Variants in CCDC13 observed in about 807,000 individuals in gnomAD.
CCDC13 encodes coiled-coil domain-containing protein 13.
A neutral mutation model predicts 87.3 loss-of-function variants in CCDC13; 70 were observed. That is an observed-to-expected ratio of 0.80 (90% confidence interval 0.66 to 0.98). CCDC13 has a LOEUF of 0.98. Among genes scored for constraint, CCDC13 ranks in the 50% least tolerant of loss-of-function variants. The pLI is 0.00. For missense variants in CCDC13, 842 were observed against 892.0 expected (o/e 0.94, Z 0.71); for synonymous variants, 317 against 360.3 (o/e 0.88, Z 1.36).
intron 13 of CCDC13, among the ~76,000 whole-genome samples, chr3:42,716,241 CAA>C (rs879625891): frequency 2.2e-5 from 3 of 139,118 alleles, no homozygotes; most frequent in African/African-American, 2.6e-5. Context: ...GATCTACCTC[CAA>C]AAAAAAAAAA....
At chr3:42,753,459 A>G (rs1699633883) in intron 3 of CCDC13, among the ~76,000 whole-genome samples, 1 of 151,660 alleles carries the variant, frequency 6.6e-6, no homozygotes, top group Non-Finnish European at 1.5e-5. Context: ...TTTTCTACCA[A>G]GTGCTGGGTC....
intron 13 of CCDC13, chr3:42,719,382 C>CCTCTTTCTCTCT (rs1386418167): frequency 1.9e-5 from 1 of 52,382 alleles, no homozygotes; most frequent in African/African-American, 6.4e-5. Flanking sequence ...GCAGTGCTTT[C>CCTCTTTCTCTCT]CTCTCTCTCT....
Position 42,751,969 on chromosome 3 carries a change from C to G in CCDC13, c.570G>C (p.Lys190Asn). The G allele has an allele frequency of 6.2e-7, 1 of 1,611,570 alleles. No homozygotes were observed. Among genetic ancestry groups the G allele is most frequent in the Middle Eastern group, 1.6e-4 (1 of 6,062 alleles). Residue 190 changes from lysine to asparagine, a missense_variant, in exon 5 of 16, where the codon AAG becomes AAC. Physicochemically the swap from Lys to Asn is moderately conservative, Grantham distance 94 (BLOSUM62 0). Transcript: ENST00000310232. ...SAKGATDAGA[K>N]PPRAQMGDRA... ...TGTCTCCCATCTGGGCCCTCGGTGG[C>G]TTGGCTCCTGCGTCGGTGGCCCCCT... is the stretch of plus-strand genomic sequence containing the variant.
chr3:42,765,620 G>C (rs777237768), intron 1 of CCDC13, among the ~76,000 whole-genome samples: 4 of 152,170 alleles, frequency 2.6e-5, no homozygotes, highest in Admixed American at 6.5e-5. Context: ...CGTTCAGCTG[G>C]TTTGAGAATG....
At position 42,758,276 on chromosome 3, in the gene CCDC13, T is replaced by C. The variant is rs2125909932; in HGVS notation, c.70A>G (p.Lys24Glu). ...QFKAMQEMQHKRLQKQMEKKR... is the reference protein window; with the variant it reads ...QFKAMQEMQHERLQKQMEKKR... The stretch of plus-strand genomic sequence containing the variant: ...TTCTCCATCTGCTTCTGTAACCGTT[T>C]GTGCTGCATCTCCTGCATTGCCTTG... The change falls in exon 2 of 16, where the codon AAA (lysine) becomes GAA (glutamate). Residue 24 changes from lysine (K) to glutamate (E), a missense_variant. Physicochemically the swap from Lys to Glu is moderately conservative, Grantham distance 56. Coordinates refer to ENST00000310232, the MANE Select transcript of CCDC13 (RefSeq NM_144719.4). 1 of 1,613,646 alleles carries C rather than the reference T, an allele frequency of 6.2e-7. No homozygotes were observed. The highest frequency in any genetic ancestry group is 1.1e-5 in the South Asian group (1 of 91,056).
Position 42,708,914 on chromosome 3 carries a change from G to C in CCDC13, c.*66C>G. 6.6e-7 allele frequency: 1 copy of C among 1,508,916 alleles called. No homozygotes were observed. Among genetic ancestry groups the C allele is most frequent in the Non-Finnish European group, 8.9e-7 (1 of 1,127,716 alleles). 93.5% of individuals were successfully genotyped at this position (1,508,916 alleles called of 1,614,324 possible). A position where few individuals can be genotyped will look rare whatever the true frequency, so the allele number is the denominator to read the frequency against. On this transcript the variant is annotated 3_prime_UTR_variant, in exon 16 of 16. Transcript: ENST00000310232. ...CTTCCCGGAGCAGATGGAGTCCTCA[G>C]ACAGAGTCTTATCCTCTCAAGACCT...
At chr3:42,752,046 C>T (rs761664173) in intron 4 of CCDC13, 21 bp from the exon 5 acceptor site, 1 of 1,594,328 alleles carries the variant, frequency 6.3e-7, no homozygotes, top group South Asian at 1.1e-5. Context: ...AAACCTCGTG[C>T]TTAATACTCT....
At chr3:42,734,314 T>C (rs1698928769) in intron 10 of CCDC13, among the ~76,000 whole-genome samples, 1 of 152,204 alleles carries the variant, frequency 6.6e-6, no homozygotes. Context: ...CCCATTCAGC[T>C]GGTGACCTCG....
intron 1 of CCDC13, among the ~76,000 whole-genome samples, chr3:42,769,081 T>G (rs1421789156): frequency 1.3e-5 from 2 of 151,968 alleles, no homozygotes; most frequent in African/African-American, 4.8e-5. Flanking sequence ...GAGGTTGCAG[T>G]GAGCCGAGAT....
At chr3:42,749,057 C>T (rs992887135) in intron 5 of CCDC13, among the ~76,000 whole-genome samples, 27 of 152,166 alleles carry the variant, frequency 1.8e-4, no homozygotes, top group Non-Finnish European at 3.1e-4. Context: ...CCGTGCCCGG[C>T]CATCCTTTTT....
Position 42,739,750 on chromosome 3 carries a change from C to T in CCDC13, c.1048G>A (p.Glu350Lys), listed in dbSNP as rs528427969. The change falls in exon 9 of 16, where the codon GAG (glutamate) becomes AAG (lysine). Residue 350 changes from glutamate (E) to lysine (K), a missense_variant. Physicochemically the swap from Glu to Lys is moderately conservative, Grantham distance 56. Coordinates refer to ENST00000310232, the MANE Select transcript of CCDC13 (RefSeq NM_144719.4). Reference protein sequence around the residue: ...RELEELKKKFEGMRSRNKLLS... With the variant: ...RELEELKKKFKGMRSRNKLLS... Reference sequence around the variant, plus strand: ...AGCTTGTTCCGAGACCTCATGCCCTCGAACTTCTTTTTTAGCTCTTCAAGC... The same window carrying T: ...AGCTTGTTCCGAGACCTCATGCCCTTGAACTTCTTTTTTAGCTCTTCAAGC... The T allele has an allele frequency of 9.9e-6, 16 of 1,614,056 alleles. No individual in the cohort carries two copies. Among genetic ancestry groups the T allele is most frequent in the Admixed American group, 8.3e-5 (5 of 59,998 alleles).
At chr3:42,729,255 C>T (rs559791025) in intron 13 of CCDC13, among the ~76,000 whole-genome samples, 1 of 152,316 alleles carries the variant, frequency 6.6e-6, no homozygotes, top group South Asian at 2.1e-4. Context: ...TATGTTTCTA[C>T]TACTTGATAG....
At position 42,739,798 on chromosome 3, in the gene CCDC13, C is replaced by T. The variant is rs911941642; in HGVS notation, c.1000G>A (p.Glu334Lys). 11 of 1,613,938 alleles carry T rather than the reference C, an allele frequency of 6.8e-6. No homozygotes were observed. In the African/African-American group the frequency reaches 1.1e-4, roughly 16 times the overall value. ...AGCTCTCTCTGGAGGACATCCCGTT[C>T]ACTGGCAAGTTTCTGTAATTAGAAA... ...KQEGLEKLAS[E>K]RDVLQRELEE... Residue 334 changes from glutamate to lysine, a missense_variant, in exon 9 of 16, where the codon GAA (glutamate) becomes AAA (lysine). Transcript: ENST00000310232.
intron 1 of CCDC13, among the ~76,000 whole-genome samples, chr3:42,768,238 T>C (rs1699973114): frequency 6.6e-6 from 1 of 152,148 alleles, no homozygotes; most frequent in South Asian, 2.1e-4. Flanking sequence ...AAATGTAAAC[T>C]GCAAAACTTC....
chr3:42,734,912 G>A (rs994012178), intron 10 of CCDC13, among the ~76,000 whole-genome samples: 2 of 152,262 alleles, frequency 1.3e-5, no homozygotes, highest in African/African-American at 2.4e-5. Flanking sequence ...TCATGCCTTA[G>A]ACAAGCATTT....
chr3:42,745,118 G>A (rs1368488110), intron 7 of CCDC13: 1 of 152,164 alleles, frequency 6.6e-6, no homozygotes, highest in African/African-American at 2.4e-5. Flanking sequence ...GGGAGACACT[G>A]AAGATAAAAG....
rs562708393 is a variant in CCDC13, at chr3:42,708,746, C to T, written c.*234G>A. The T allele has an allele frequency of 3.9e-4, 166 of 428,828 alleles. No individual in the cohort carries two copies. Among genetic ancestry groups the T allele is most frequent in the Admixed American group, 1.4e-3 (31 of 22,460 alleles). The allele number at this position is 428,828 out of a possible 1,614,324, so 26.6% of individuals were successfully genotyped here. ...GCCAGTGGGCTGCTGGGCCTCCCTGCTGCTGTAACCCAGCCAGCCCAGGGT... is the reference window on the plus strand; with the variant it reads ...GCCAGTGGGCTGCTGGGCCTCCCTGTTGCTGTAACCCAGCCAGCCCAGGGT... On this transcript the variant is annotated 3_prime_UTR_variant, in exon 16 of 16. Coordinates refer to ENST00000310232, the MANE Select transcript of CCDC13 (RefSeq NM_144719.4).
At chr3:42,757,880 C>T (rs893538112) in intron 2 of CCDC13, among the ~76,000 whole-genome samples, 1 of 152,088 alleles carries the variant, frequency 6.6e-6, no homozygotes, top group Non-Finnish European at 1.5e-5. Context: ...ACTAGAAAAA[C>T]ACCCTATACT....
rs141163666 is a variant in CCDC13, at chr3:42,748,704, A to G, written c.604-1331T>C. Among the ~76,000 whole-genome samples the G allele has an allele frequency of 1.4e-4, 22 of 152,318 alleles. No homozygotes were observed. The East Asian group carries it at 4.2e-3, about 29-fold the overall frequency. ...CTGGCCTCATCCAGTGTCCTCATCT[A>G]TGGAATGAGTATACAAATACTTTCC... is the stretch of plus-strand genomic sequence containing the variant. On this transcript the variant is annotated intron_variant, in intron 5 of 15. Transcript: ENST00000310232.
Sources: allele counts gnomAD v4.1 joint callset (sites outside exome capture counted in the v4.1 genomes callset), GRCh38; gene constraint gnomAD v4.1.1; transcripts MANE v1.5; gene names NCBI Gene and HGNC (gene_info 2026-07-23, HGNC 2026-07-21).